Variants in DGKH observed in about 807,000 individuals in gnomAD.
DGKH encodes the protein diacylglycerol kinase eta.
DGKH carries 90 observed loss-of-function variants against 159.3 expected under a neutral mutation model. That is an observed-to-expected ratio of 0.57 (90% CI 0.48 to 0.67). The LOEUF (loss-of-function observed/expected upper bound fraction) is 0.67, where lower values mean the gene tolerates loss of function less well. DGKH is among the 30% of genes least tolerant of loss of function. The probability of loss-of-function intolerance (pLI) is 0.00; values close to 1 mark genes in which losing one functional copy is unlikely to be tolerated. For synonymous variants in DGKH, 536 were observed against 553.8 expected (o/e 0.97, Z 0.45); for missense variants, 1,181 against 1,506.1 (o/e 0.78, Z 3.57).
intron 1 of DGKH, among the ~76,000 whole-genome samples, chr13:42,056,365 C>A (rs17062754): frequency 0.14 from 21,255 of 152,026 alleles, 1,599 homozygotes; most frequent in Non-Finnish European, 0.15. Flanking sequence ...GAATCTCTGA[C>A]CTTCTCACTG....
chr13:42,136,199 T>C (rs1955399632), intron 3 of DGKH, among the ~76,000 whole-genome samples: 1 of 152,238 alleles, frequency 6.6e-6, no homozygotes, highest in African/African-American at 2.4e-5. Flanking sequence ...ATCATCTCCC[T>C]ATTTCCAAGT....
At position 42,159,256 on chromosome 13, in the gene DGKH, T is replaced by TTTTTTTTTTTTTTTTTG; in HGVS notation, c.623-3_623-2insTTTTTTTTTGTTTTTTT. ...AAAAGCAGTTGCTCTTTTTTTTTTT[T>TTTTTTTTTTTTTTTTTG]TTTTTTTAGTGTGTAAATTCAAGGC... is the stretch of plus-strand genomic sequence containing the variant. On this transcript the variant is annotated splice_polypyrimidine_tract_variant and intron_variant, in intron 5 of 29. Transcript: ENST00000337343. 1 of 988,432 alleles carries TTTTTTTTTTTTTTTTTG rather than the reference T, an allele frequency of 1.0e-6. No individual in the cohort carries two copies. The highest frequency in any genetic ancestry group is 3.1e-5 in the Admixed American group (1 of 32,216). 61.2% of individuals were successfully genotyped at this position (988,432 alleles called of 1,614,324 possible).
chr13:42,148,143 A>G (rs1955784542), intron 3 of DGKH, among the ~76,000 whole-genome samples: 1 of 152,178 alleles, frequency 6.6e-6, no homozygotes, highest in Admixed American at 6.5e-5. Flanking sequence ...TATAGTTTCA[A>G]ATCTTACCTA....
At chr13:42,161,556 C>T (rs927859731) in intron 7 of DGKH, among the ~76,000 whole-genome samples, 2 of 139,436 alleles carry the variant, frequency 1.4e-5, no homozygotes, top group Non-Finnish European at 3.2e-5. Flanking sequence ...CCAAGGTGGG[C>T]GGATCATGGG....
At chr13:42,127,414 G>C (rs749854131) in intron 1 of DGKH, 49 bp from the exon 2 acceptor site, 3 of 1,374,852 alleles carry the variant, frequency 2.2e-6, no homozygotes, top group Non-Finnish European at 3.1e-6. Context: ...ATTTCATTTG[G>C]TTTTGAATTT....
At chr13:42,190,072 C>T (rs1469012949) in intron 15 of DGKH, among the ~76,000 whole-genome samples, 1 of 152,138 alleles carries the variant, frequency 6.6e-6, no homozygotes, top group Admixed American at 6.5e-5. Context: ...TAATACTTCT[C>T]AGAATTTTAG....
intron 14 of DGKH, among the ~76,000 whole-genome samples, chr13:42,187,970 A>G (rs10492440): frequency 0.085 from 12,952 of 152,292 alleles, 681 homozygotes; most frequent in Middle Eastern, 0.12. Flanking sequence ...TCACAACAGG[A>G]CCTTCTTACA....
At position 42,253,815 on chromosome 13, in the gene DGKH, C is replaced by T. The variant is rs188925344; in HGVS notation, n.4127+1334C>T. On this transcript the variant is annotated intron_variant and non_coding_transcript_variant, in intron 30 of 30. Coordinates refer to the DGKH transcript ENST00000498255. ...AAGGAAAGGTGGTACAAATCTGCAC[C>T]GTTCAATATGGTAGCCACTGGCTAC... Among the ~76,000 whole-genome samples the T allele has an allele frequency of 1.2e-4, 18 of 152,202 alleles. No individual in the cohort carries two copies. The East Asian group carries it at 2.3e-3, about 20-fold the overall frequency.
At chr13:42,191,673 T>A (rs1458149527) in intron 16 of DGKH, among the ~76,000 whole-genome samples, 1 of 152,148 alleles carries the variant, frequency 6.6e-6, no homozygotes, top group African/African-American at 2.4e-5. Flanking sequence ...GAGTACATTT[T>A]AAATTTTACA....
intron 3 of DGKH, among the ~76,000 whole-genome samples, chr13:42,135,300 A>G (rs528781810): frequency 1.3e-5 from 2 of 151,676 alleles, no homozygotes; most frequent in Admixed American, 1.3e-4. Context: ...AGAGTTTAAG[A>G]CCAGCCTGGG....
At chr13:42,121,537 G>A (rs996164833) in intron 1 of DGKH, among the ~76,000 whole-genome samples, 19 of 152,240 alleles carry the variant, frequency 1.2e-4, no homozygotes, top group African/African-American at 3.9e-4. Context: ...TAGACCTCCC[G>A]GACTCCAAGG....
At chr13:42,070,174 A>G (rs2137690166) in intron 1 of DGKH, 3 of 936,986 alleles carry the variant, frequency 3.2e-6, no homozygotes, top group East Asian at 2.4e-5. Context: ...TTCTTCTGCT[A>G]TTAACCAATC....
chr13:42,202,726 T>C (rs1332462181), intron 20 of DGKH, among the ~76,000 whole-genome samples: 3 of 152,228 alleles, frequency 2.0e-5, no homozygotes, highest in African/African-American at 7.2e-5. Context: ...TTTACAATGA[T>C]GGGAATTCCA....
At chr13:42,142,528 G>C (rs1955593324) in intron 3 of DGKH, among the ~76,000 whole-genome samples, 1 of 151,760 alleles carries the variant, frequency 6.6e-6, no homozygotes, top group Non-Finnish European at 1.5e-5. Flanking sequence ...CTACCCATGA[G>C]CATGGAATGT....
intron 1 of DGKH, among the ~76,000 whole-genome samples, chr13:42,074,713 T>C (rs774531124): frequency 4.6e-5 from 7 of 151,802 alleles, no homozygotes; most frequent in Non-Finnish European, 1.0e-4. Context: ...CCCTAACAAC[T>C]TGAATATAGA....
At position 42,214,429 on chromosome 13, in the gene DGKH, C is replaced by T; in HGVS notation, c.3015-78C>T. 5.8e-6 allele frequency: 8 copies of T among 1,382,404 alleles called. No individual in the cohort carries two copies. In the South Asian group the frequency reaches 1.1e-4, roughly 19 times the overall value. 85.6% of individuals were successfully genotyped at this position (1,382,404 alleles called of 1,614,324 possible). A position where few individuals can be genotyped will look rare whatever the true frequency, so the allele number is the denominator to read the frequency against. On this transcript the variant is annotated intron_variant, in intron 24 of 29. Coordinates refer to ENST00000337343, the MANE Select transcript of DGKH (RefSeq NM_178009.5). ...TCATATATTTTTTACTTGTTTTATC[C>T]TAACATTTCTATACTTCAAAAAAAA...
At chr13:42,177,036 ATTTT>A (rs1956621068) in intron 12 of DGKH, among the ~76,000 whole-genome samples, 1 of 152,232 alleles carries the variant, frequency 6.6e-6, no homozygotes, top group Non-Finnish European at 1.5e-5. Flanking sequence ...TGTATTCAGC[ATTTT>A]TAAAAACTTT....
intron 1 of DGKH, among the ~76,000 whole-genome samples, chr13:42,118,952 A>G (rs1208016847): frequency 6.6e-6 from 1 of 152,270 alleles, no homozygotes; most frequent in Non-Finnish European, 1.5e-5. Flanking sequence ...TAGACCAAAC[A>G]TTAACTTTTC....
At chr13:42,207,003 C>CTTTCTT (rs1555275967) in intron 21 of DGKH, among the ~76,000 whole-genome samples, 1 of 141,208 alleles carries the variant, frequency 7.1e-6, no homozygotes, top group African/African-American at 2.7e-5. Context: ...TTCTTTCTTT[C>CTTTCTT]TTTCTTTCTT....
Sources: gnomAD v4.1 joint callset for allele counts (sites outside exome capture counted in the v4.1 genomes callset) on GRCh38, gnomAD v4.1.1 for gene constraint, MANE v1.5 for transcripts, NCBI Gene and HGNC (gene_info 2026-07-23, HGNC 2026-07-21) for gene names.